Variants in GABBR2 observed in about 807,000 individuals in gnomAD.
GABBR2 encodes the protein gamma-aminobutyric acid type B receptor subunit 2.
A neutral mutation model predicts 105.6 loss-of-function variants in GABBR2; 23 were observed. The ratio of observed to expected loss-of-function variants is 0.22; its 90% CI spans 0.16 to 0.31. The LOEUF (loss-of-function observed/expected upper bound fraction) is 0.31, where lower values mean the gene tolerates loss of function less well. GABBR2 is among the 10% of genes least tolerant of loss of function. The probability of loss-of-function intolerance (pLI) is 1.00; values close to 1 mark genes in which losing one functional copy is unlikely to be tolerated. For synonymous variants in GABBR2, 478 were observed against 499.7 expected (o/e 0.96, Z 0.58); for missense variants, 734 against 1,245.5 (o/e 0.59, Z 6.18).
chr9:98,477,397 G>C (rs986284017), intron 5 of GABBR2, among the ~76,000 whole-genome samples: 1 of 152,060 alleles, frequency 6.6e-6, no homozygotes, highest in Non-Finnish European at 1.5e-5. Flanking sequence ...ATGATACCAC[G>C]CCCAGCTAAT....
intron 7 of GABBR2, among the ~76,000 whole-genome samples, chr9:98,410,505 C>T (rs1171426373): frequency 3.2e-5 from 4 of 126,480 alleles, no homozygotes; most frequent in South Asian, 2.6e-4. Flanking sequence ...GAGGGAAAAG[C>T]TTTTTTTTTT....
At chr9:98,631,976 C>G (rs1829820985) in intron 1 of GABBR2, among the ~76,000 whole-genome samples, 1 of 152,200 alleles carries the variant, frequency 6.6e-6, no homozygotes, top group Admixed American at 6.5e-5. Flanking sequence ...TTAGCCTGGA[C>G]AAGAGCAAAT....
intron 3 of GABBR2, among the ~76,000 whole-genome samples, chr9:98,529,260 G>A (rs1330700571): frequency 6.6e-6 from 1 of 152,218 alleles, no homozygotes; most frequent in South Asian, 2.1e-4. Context: ...GGAACAGACT[G>A]TAGGATAAAT....
At chr9:98,366,983 C>G (rs1301697776) in intron 12 of GABBR2, among the ~76,000 whole-genome samples, 3 of 152,060 alleles carry the variant, frequency 2.0e-5, no homozygotes, top group Non-Finnish European at 4.4e-5. Context: ...TGTAATAAAA[C>G]TCCTCAATTT....
At chr9:98,556,320 C>T (rs1320112740) in intron 2 of GABBR2, among the ~76,000 whole-genome samples, 1 of 152,134 alleles carries the variant, frequency 6.6e-6, no homozygotes, top group African/African-American at 2.4e-5. Context: ...CTGGGCACCT[C>T]ACAGCCCCAA....
intron 1 of GABBR2, among the ~76,000 whole-genome samples, chr9:98,669,711 T>G (rs1246472062): frequency 1.3e-5 from 2 of 152,230 alleles, no homozygotes; most frequent in Non-Finnish European, 1.5e-5. Context: ...TCTTAAGACC[T>G]AGGATGTTAT....
At chr9:98,669,854 A>G (rs1356669549) in intron 1 of GABBR2, among the ~76,000 whole-genome samples, 3 of 151,856 alleles carry the variant, frequency 2.0e-5, no homozygotes, top group Non-Finnish European at 4.4e-5. Flanking sequence ...AGCACACATC[A>G]TGAGGAATCT....
chr9:98,391,392 C>T (rs563925479), intron 9 of GABBR2, among the ~76,000 whole-genome samples: 7 of 152,104 alleles, frequency 4.6e-5, no homozygotes, highest in Admixed American at 6.6e-5. Flanking sequence ...TAGTAAGTGG[C>T]AGGATTTGAA....
intron 11 of GABBR2, among the ~76,000 whole-genome samples, chr9:98,382,992 G>A (rs931959614): frequency 6.6e-6 from 1 of 151,954 alleles, no homozygotes; most frequent in Non-Finnish European, 1.5e-5. Context: ...CCAGGCTGGG[G>A]TGCCATGGCG....
chr9:98,600,024 C>A (rs1829302396), intron 1 of GABBR2, among the ~76,000 whole-genome samples: 1 of 152,160 alleles, frequency 6.6e-6, no homozygotes, highest in Non-Finnish European at 1.5e-5. Flanking sequence ...TGGCTAATTG[C>A]TGAAGCTGGG....
chr9:98,417,089 C>T (rs1369858682), intron 7 of GABBR2, among the ~76,000 whole-genome samples: 3 of 152,154 alleles, frequency 2.0e-5, no homozygotes, highest in Admixed American at 1.3e-4. Context: ...ATGAAGCTTC[C>T]GAGGGCAGGA....
chr9:98,577,041 T>A (rs72761550), intron 2 of GABBR2, among the ~76,000 whole-genome samples: 8,290 of 81,190 alleles, frequency 0.1, 1,051 homozygotes, highest in South Asian at 0.16. Flanking sequence ...GATGGATGGA[T>A]AGGTGGATGG....
intron 2 of GABBR2, among the ~76,000 whole-genome samples, chr9:98,569,179 G>A (rs142464181): frequency 6.6e-6 from 1 of 152,216 alleles, no homozygotes; most frequent in Admixed American, 6.5e-5. Context: ...GTGCCTCATC[G>A]TACTGCTACT....
In GABBR2 at chr9:98,311,406, C is replaced by T. The variant is rs553758562; in HGVS notation, c.1894-201G>A. 1.7e-4 allele frequency among the ~76,000 whole-genome samples: 26 copies of T among 152,296 alleles called. No individual in the cohort carries two copies. In the South Asian group the frequency reaches 5.4e-3, roughly 32 times the overall value. On this transcript the variant is annotated intron_variant, in intron 13 of 18. Coordinates refer to ENST00000259455, the MANE Select transcript of GABBR2 (RefSeq NM_005458.8). ...TTGACTGCCTTCTGTTTGTTGGTAG[C>T]AATTCAACCCTGCACTCCAGTTCTC...
intron 13 of GABBR2, among the ~76,000 whole-genome samples, chr9:98,342,750 C>T (rs765962366): frequency 9.9e-5 from 15 of 152,214 alleles, no homozygotes; most frequent in Non-Finnish European, 2.9e-5. Flanking sequence ...TGACCCTTAG[C>T]ATCCAAAGCC....
intron 1 of GABBR2, among the ~76,000 whole-genome samples, chr9:98,627,943 G>A (rs1455386675): frequency 6.6e-6 from 1 of 152,186 alleles, no homozygotes; most frequent in African/African-American, 2.4e-5. Flanking sequence ...GCCTGAAGTT[G>A]GACATAGGCA....
chr9:98,432,191 C>T (rs112494793), intron 7 of GABBR2, among the ~76,000 whole-genome samples: 2,512 of 152,262 alleles, frequency 0.016, 72 homozygotes, highest in African/African-American at 0.057. Flanking sequence ...TCACTGCACC[C>T]GGCTCAAGGA....
rs541246164 is a variant in GABBR2 at position 98,656,763 on chromosome 9, C to T, written c.321+51654G>A. Among the ~76,000 whole-genome samples, 4 of 152,284 alleles carry T rather than the reference C, an allele frequency of 2.6e-5. No homozygotes were observed. The South Asian group carries it at 8.3e-4, about 32-fold the overall frequency. ...AACCTATCAGAGGACAGCCACATTT[C>T]CAGAACACATTTAGGAGTGAGGGTG... On this transcript the variant is annotated intron_variant, in intron 1 of 18. Transcript: ENST00000259455.
intron 13 of GABBR2, among the ~76,000 whole-genome samples, chr9:98,352,253 G>A (rs1364054764): frequency 6.6e-6 from 1 of 152,240 alleles, no homozygotes; most frequent in Non-Finnish European, 1.5e-5. Context: ...TCTACTGGGT[G>A]TGCCAGTCCT....
Sources: allele counts gnomAD v4.1 joint callset (sites outside exome capture counted in the v4.1 genomes callset), GRCh38; gene constraint gnomAD v4.1.1; transcripts MANE v1.5; gene names NCBI Gene and HGNC (gene_info 2026-07-23, HGNC 2026-07-21).